The following GRID2 variants were observed in gnomAD, a reference collection of about 807,000 sequenced individuals.
GRID2 encodes the protein glutamate ionotropic receptor delta type subunit 2.
A neutral mutation model predicts 114.8 loss-of-function variants in GRID2; 33 were observed. That is an observed-to-expected ratio of 0.29 (90% CI 0.22 to 0.38). GRID2 has a LOEUF of 0.38. Ranked by LOEUF, GRID2 falls within the 10% of genes least tolerant of loss-of-function variation. GRID2 has a pLI of 1.00. For missense variants in GRID2, 1,184 were observed against 1,257.7 expected (o/e 0.94, Z 0.89); for synonymous variants, 505 against 449.9 (o/e 1.12, Z -1.55).
chr4:93,726,428 A>C (rs1238588170), intron 14 of GRID2, among the ~76,000 whole-genome samples: 1 of 152,204 alleles, frequency 6.6e-6, no homozygotes, highest in Non-Finnish European at 1.5e-5. Flanking sequence ...TGATGCCTCC[A>C]GCTTTGTTCT....
At chr4:93,393,194 A>G (rs903773674) in intron 8 of GRID2, among the ~76,000 whole-genome samples, 5 of 152,046 alleles carry the variant, frequency 3.3e-5, no homozygotes, top group African/African-American at 7.2e-5. Flanking sequence ...AACTCTTGAC[A>G]TCCACAGCTA....
At chr4:93,250,528 G>A in intron 8 of GRID2, among the ~76,000 whole-genome samples, 1 of 135,210 alleles carries the variant, frequency 7.4e-6, no homozygotes, top group Non-Finnish European at 1.5e-5. Context: ...TTTGGGTACT[G>A]TTTACTCCAA....
At chr4:92,813,345 T>G (rs990709936) in intron 2 of GRID2, among the ~76,000 whole-genome samples, 2 of 152,076 alleles carry the variant, frequency 1.3e-5, no homozygotes, top group African/African-American at 4.8e-5. Context: ...AACAACCAAC[T>G]TATATCCTCA....
At chr4:92,665,492 AT>A (rs1732726837) in intron 2 of GRID2, among the ~76,000 whole-genome samples, 1 of 151,114 alleles carries the variant, frequency 6.6e-6, no homozygotes, top group Non-Finnish European at 1.5e-5. Context: ...CTAACATTAA[AT>A]TTTTCATGTA....
chr4:92,797,524 A>C (rs1472456164), intron 2 of GRID2, among the ~76,000 whole-genome samples: 1 of 152,036 alleles, frequency 6.6e-6, no homozygotes. Context: ...TGTTTTGCAT[A>C]TATTTTTAAG....
chr4:93,192,448 AAGG>A (rs894692940), intron 4 of GRID2, among the ~76,000 whole-genome samples: 3 of 152,132 alleles, frequency 2.0e-5, no homozygotes, highest in African/African-American at 7.2e-5. Context: ...GGTCTTAAGA[AAGG>A]AGATTTCAGA....
chr4:93,660,557 C>T (rs117489274), intron 14 of GRID2, among the ~76,000 whole-genome samples: 12 of 151,898 alleles, frequency 7.9e-5, no homozygotes, highest in East Asian at 3.9e-4. Flanking sequence ...GAGCAGTAGT[C>T]GCGTATCTGC....
chr4:93,520,400 C>T (rs942443318), intron 13 of GRID2, among the ~76,000 whole-genome samples: 9 of 151,912 alleles, frequency 5.9e-5, no homozygotes, highest in Non-Finnish European at 8.8e-5. Context: ...TTGGGAAATA[C>T]TTCTCTGAGA....
At chr4:92,551,664 T>C (rs992326532) in intron 1 of GRID2, among the ~76,000 whole-genome samples, 4 of 152,160 alleles carry the variant, frequency 2.6e-5, no homozygotes, top group African/African-American at 9.6e-5. Flanking sequence ...AATGGACTTA[T>C]ACTGCATGAA....
At chr4:92,818,851 A>C (rs980307819) in intron 2 of GRID2, among the ~76,000 whole-genome samples, 2 of 152,154 alleles carry the variant, frequency 1.3e-5, no homozygotes, top group Non-Finnish European at 2.9e-5. Context: ...TGTTTTCTAC[A>C]TGAATAATAT....
chr4:92,334,400 C>G (rs1012048969), intron 1 of GRID2, among the ~76,000 whole-genome samples: 1 of 152,120 alleles, frequency 6.6e-6, no homozygotes, highest in Non-Finnish European at 1.5e-5. Context: ...GTTCCAAAGT[C>G]ACTTCCACAT....
At chr4:93,027,671 A>G (rs1361918341) in intron 2 of GRID2, among the ~76,000 whole-genome samples, 1 of 152,160 alleles carries the variant, frequency 6.6e-6, no homozygotes, top group Non-Finnish European at 1.5e-5. Flanking sequence ...TCAGAAATTG[A>G]TAAACATTTT....
intron 2 of GRID2, among the ~76,000 whole-genome samples, chr4:92,922,343 A>G (rs1188166741): frequency 6.6e-6 from 1 of 151,780 alleles, no homozygotes; most frequent in Admixed American, 6.6e-5. Context: ...GGTGCACTGC[A>G]CCCTCTGTCC....
intron 2 of GRID2, among the ~76,000 whole-genome samples, chr4:92,635,984 A>T (rs909456072): frequency 6.6e-6 from 1 of 151,976 alleles, no homozygotes; most frequent in African/African-American, 2.4e-5. Flanking sequence ...ATGCTTGGAG[A>T]ATTATGTTAA....
At chr4:93,186,269 G>T (rs1030078270) in intron 4 of GRID2, among the ~76,000 whole-genome samples, 2 of 152,036 alleles carry the variant, frequency 1.3e-5, no homozygotes, top group Admixed American at 6.6e-5. Flanking sequence ...GTAGTGGGAT[G>T]GCTGGGTCAA....
chr4:93,567,198 CA>C (rs1232994143), intron 13 of GRID2, among the ~76,000 whole-genome samples: 1 of 152,146 alleles, frequency 6.6e-6, no homozygotes, highest in African/African-American at 2.4e-5. Context: ...ATTTTTCCAG[CA>C]ATAAACATAT....
chr4:92,662,225 G>T (rs1220911942), intron 2 of GRID2, among the ~76,000 whole-genome samples: 14 of 150,842 alleles, frequency 9.3e-5, no homozygotes, highest in African/African-American at 3.4e-4. Flanking sequence ...TATTTTCAAA[G>T]GAAACTTCTA....
intron 1 of GRID2, among the ~76,000 whole-genome samples, chr4:92,322,515 A>G (rs1726365647): frequency 6.6e-6 from 1 of 152,192 alleles, no homozygotes; most frequent in African/African-American, 2.4e-5. Context: ...GTGTGTATCA[A>G]AGTATCTCAT....
At chr4:92,521,897 T>C (rs981387766) in intron 1 of GRID2, among the ~76,000 whole-genome samples, 1 of 152,018 alleles carries the variant, frequency 6.6e-6, no homozygotes, top group Non-Finnish European at 1.5e-5. Context: ...TTAATTCATT[T>C]AATAATACAT....
Sources: allele counts gnomAD v4.1 joint callset (sites outside exome capture counted in the v4.1 genomes callset), GRCh38; gene constraint gnomAD v4.1.1; transcripts MANE v1.5; gene names NCBI Gene and HGNC (gene_info 2026-07-23, HGNC 2026-07-21).